Variants in ADGRB1 observed in about 807,000 individuals in gnomAD.
ADGRB1 encodes the protein brain-specific angiogenesis inhibitor 1.
In ADGRB1, 36 loss-of-function variants were observed where a neutral mutation model predicts 175.7. The ratio of observed to expected loss-of-function variants is 0.20; its 90% CI spans 0.16 to 0.27. The LOEUF (loss-of-function observed/expected upper bound fraction) is 0.27. Ranked by LOEUF, ADGRB1 falls within the 10% of genes least tolerant of loss-of-function variation. The pLI is 1.00. For missense variants in ADGRB1, 1,731 were observed against 2,255.3 expected (o/e 0.77, Z 4.71); for synonymous variants, 1,054 against 979.4 (o/e 1.08, Z -1.42).
At chr8:142,520,530 G>A (rs900701254) in intron 19 of ADGRB1, among the ~76,000 whole-genome samples, 6 of 107,136 alleles carry the variant, frequency 5.6e-5, no homozygotes, top group African/African-American at 2.0e-4. Flanking sequence ...TGGTGATGGT[G>A]GTAGTGATTG....
intron 14 of ADGRB1, among the ~76,000 whole-genome samples, 174 bp from the exon 15 acceptor site, chr8:142,488,861 C>T (rs906221163): frequency 4.6e-5 from 7 of 152,228 alleles, no homozygotes; most frequent in Non-Finnish European, 1.0e-4. Flanking sequence ...CCCCAGCTCC[C>T]TGGCTGCAGC....
intron 25 of ADGRB1, 30 bp downstream of exon 25, chr8:142,533,496 C>A: frequency 6.4e-7 from 1 of 1,565,656 alleles, no homozygotes; most frequent in Non-Finnish European, 8.7e-7. Context: ...TCGGGCCGGG[C>A]TCCTGCGGGG....
intron 26 of ADGRB1, 50 bp from the exon 27 acceptor site, chr8:142,539,324 A>G (rs1359036218): frequency 3.2e-6 from 5 of 1,547,868 alleles, no homozygotes; most frequent in South Asian, 2.4e-5. Context: ...GCGTGCACAC[A>G]CCCCCGCTCC....
rs576825403 is a variant in ADGRB1, at chr8:142,525,531, C to T, written c.3313-1011C>T. 1.5e-4 allele frequency among the ~76,000 whole-genome samples: 23 copies of T among 152,282 alleles called. No homozygotes were observed. In the South Asian group the frequency reaches 4.4e-3, roughly 29 times the overall value. On this transcript the variant is annotated intron_variant, in intron 23 of 30. Coordinates refer to ENST00000517894, the MANE Select transcript of ADGRB1 (RefSeq NM_001702.3). Reference sequence around the variant, plus strand: ...GGTGTCCATCCTCTCTTCTCTGCTCCGGCCACATCAGAAAAGTAGGCTGCC... The same window carrying T: ...GGTGTCCATCCTCTCTTCTCTGCTCTGGCCACATCAGAAAAGTAGGCTGCC...
intron 17 of ADGRB1, among the ~76,000 whole-genome samples, chr8:142,500,730 G>C (rs1438984563): frequency 6.6e-6 from 1 of 151,106 alleles, no homozygotes; most frequent in Non-Finnish European, 1.5e-5. Flanking sequence ...GGTAGACAAA[G>C]GGAAGGACTT....
intron 30 of ADGRB1, 85 bp from the exon 31 acceptor site, chr8:142,544,135 C>T: frequency 2.8e-6 from 4 of 1,407,430 alleles, no homozygotes; most frequent in South Asian, 2.7e-5. Context: ...CTCACTGATT[C>T]GTGTCTGCCT....
chr8:142,526,507 CCA>C, intron 23 of ADGRB1, 33 bp from the exon 24 acceptor site: 1 of 1,298,612 alleles, frequency 7.7e-7, no homozygotes, highest in Non-Finnish European at 1.1e-6. Flanking sequence ...ACGGCGGCCC[CCA>C]CCCCCACACC....
Position 142,493,259 on chromosome 8 carries a change from C to T in ADGRB1, c.2675+2444C>T, listed in dbSNP as rs1229807584. ...ACTGCCCCAGGGACCCAACTGTGGCCGAAGAGGACATGCTGCGTGGCCTTG... is the reference window on the plus strand; with the variant it reads ...ACTGCCCCAGGGACCCAACTGTGGCTGAAGAGGACATGCTGCGTGGCCTTG... On this transcript the variant is annotated intron_variant, in intron 17 of 30. Coordinates refer to ENST00000517894, the MANE Select transcript of ADGRB1 (RefSeq NM_001702.3). This position sits in a 1 kb window ranked among gnomAD's most constrained non-coding sequence, Gnocchi z 5.0. Among the ~76,000 whole-genome samples the T allele has an allele frequency of 1.3e-5, 2 of 152,048 alleles. No homozygotes were observed. The highest frequency in any genetic ancestry group is 1.5e-5 in the Non-Finnish European group (1 of 67,986).
intron 22 of ADGRB1, among the ~76,000 whole-genome samples, chr8:142,523,612 T>A: frequency 6.6e-6 from 1 of 151,734 alleles, no homozygotes; most frequent in Admixed American, 6.6e-5. Flanking sequence ...CAGGAGGGGA[T>A]GGGGACATTG....
chr8:142,490,661 C>T (rs1014808374), intron 16 of ADGRB1, 111 bp from the exon 17 acceptor site: 15 of 1,297,490 alleles, frequency 1.2e-5, no homozygotes, highest in East Asian at 2.5e-5. Flanking sequence ...TTCAGGGACC[C>T]GCACAGGTAG....
chr8:142,459,495 G>A (rs1285823518), intron 1 of ADGRB1, among the ~76,000 whole-genome samples: 3 of 152,172 alleles, frequency 2.0e-5, no homozygotes, highest in Non-Finnish European at 4.4e-5. Context: ...GACTGTGTGT[G>A]GTTCTGGCTA....
In ADGRB1 at chr8:142,544,906, A is replaced by C; in HGVS notation, c.*489A>C. 1 of 153,220 alleles carries C rather than the reference A, an allele frequency of 6.5e-6. No individual in the cohort carries two copies. 9.5% of individuals were successfully genotyped at this position (153,220 alleles called of 1,614,324 possible). On this transcript the variant is annotated 3_prime_UTR_variant, in exon 31 of 31. Coordinates refer to ENST00000517894, the MANE Select transcript of ADGRB1 (RefSeq NM_001702.3). ...TGGAGGGCACAGCCCTCCGACCCTC[A>C]TGGCCCCCAGGGGCAGGACTGAGTC... is the stretch of plus-strand genomic sequence containing the variant.
rs79730053 is a variant in ADGRB1 at position 142,454,349 on chromosome 8, C to T, written c.-220+4245C>T. Reference sequence around the variant, plus strand: ...CGCGTGTCCCCACAAAGGCAAGAAACACGGAACACCAGGGTGCCACGGCCC... The same window carrying T: ...CGCGTGTCCCCACAAAGGCAAGAAATACGGAACACCAGGGTGCCACGGCCC... On this transcript the variant is annotated intron_variant, in intron 1 of 30. Transcript: ENST00000517894. 2.8e-3 allele frequency among the ~76,000 whole-genome samples: 422 copies of T among 152,320 alleles called. 1 individual carries two copies. The highest frequency in any genetic ancestry group is 9.9e-3 in the African/African-American group (411 of 41,572).
Position 142,479,391 on chromosome 8 carries a change from C to G in ADGRB1, c.1630C>G (p.Arg544Gly). 6.5e-7 allele frequency: 1 copy of G among 1,530,416 alleles called. No individual in the cohort carries two copies. The highest frequency in any genetic ancestry group is 8.7e-7 in the Non-Finnish European group (1 of 1,142,962). 94.8% of individuals were successfully genotyped at this position (1,530,416 alleles called of 1,614,324 possible). ...CGTCACGTGTGGGGCTGGCAGCCAGCGACGGGAGCGTGTCTGCTCTGGGCC... is the reference window on the plus strand; with the variant it reads ...CGTCACGTGTGGGGCTGGCAGCCAGGGACGGGAGCGTGTCTGCTCTGGGCC... ...CSVTCGAGSQ[R>G]RERVCSGPFF... The change falls in exon 8 of 31, where the codon CGA (arginine) becomes GGA (glycine). Residue 544 changes from arginine to glycine, a missense_variant. Coordinates refer to ENST00000517894, the MANE Select transcript of ADGRB1 (RefSeq NM_001702.3).
At chr8:142,532,800 A>T (rs1373213645) in intron 24 of ADGRB1, among the ~76,000 whole-genome samples, 2 of 151,666 alleles carry the variant, frequency 1.3e-5, no homozygotes, top group Non-Finnish European at 2.9e-5. Flanking sequence ...GGACCAGGGG[A>T]TCCTCCTTGG....
intron 24 of ADGRB1, among the ~76,000 whole-genome samples, chr8:142,526,872 CTG>C (rs1376683823): frequency 6.6e-6 from 1 of 152,206 alleles, no homozygotes; most frequent in African/African-American, 2.4e-5. Context: ...TCCTCAGAAG[CTG>C]TGAGACTGAT....
chr8:142,478,579 AGGAGAGTGGGGCATGGGGTGGCCATGG>A (rs941873995), intron 7 of ADGRB1, among the ~76,000 whole-genome samples: 1 of 63,234 alleles, frequency 1.6e-5, no homozygotes, highest in African/African-American at 6.2e-5. Flanking sequence ...GGTGGCCATG[AGGAGAGTGGGGCATGGGGTGGCCATGG>A]GGAGAGGAGT....
At chr8:142,466,274 G>A (rs1244620093) in intron 2 of ADGRB1, among the ~76,000 whole-genome samples, 1 of 152,218 alleles carries the variant, frequency 6.6e-6, no homozygotes, top group Non-Finnish European at 1.5e-5. Context: ...TCTGGGGCCA[G>A]TGAAGCCTAT....
chr8:142,489,848 C>A (rs549765372), intron 16 of ADGRB1, among the ~76,000 whole-genome samples: 2 of 152,302 alleles, frequency 1.3e-5, no homozygotes, highest in East Asian at 1.9e-4. Context: ...CCTGCAGGGG[C>A]CCTGGGATTT....
Sources: gnomAD v4.1 joint callset for allele counts (sites outside exome capture counted in the v4.1 genomes callset) on GRCh38, gnomAD v4.1.1 for gene constraint, Gnocchi (gnomAD v3.1) non-coding constraint, MANE v1.5 for transcripts, NCBI Gene and HGNC (gene_info 2026-07-23, HGNC 2026-07-21) for gene names.